Variants in POTEJ observed in about 807,000 individuals in gnomAD.
The protein encoded by POTEJ is POTE ankyrin domain family, member J.
A neutral mutation model predicts 69.0 loss-of-function variants in POTEJ; 11 were observed. That is an observed-to-expected ratio of 0.16 (90% confidence interval 0.10 to 0.26). The LOEUF (loss-of-function observed/expected upper bound fraction) is 0.26. POTEJ is among the 10% of genes least tolerant of loss of function. POTEJ has a pLI of 1.00. For missense variants in POTEJ, 327 were observed against 1,045.5 expected, an observed-to-expected ratio of 0.31 and a Z score of 9.48; for synonymous variants, 117 against 381.1, an observed-to-expected ratio of 0.31 and a Z score of 8.07.
chr2:130,622,893 G>A (rs1199945917), intron 5 of POTEJ: 37 of 147,618 alleles, frequency 2.5e-4, no homozygotes, highest in Middle Eastern at 3.5e-3. Context: ...GAAAGTTAGC[G>A]TGGCTTCTGC....
Position 130,613,280 on chromosome 2 carries a change from G to A in POTEJ, c.410+1338G>A, listed in dbSNP as rs62164886. ...CACATATATACATATATATACATAT[G>A]TATATATACATATATATACATATGT... On this transcript the variant is annotated intron_variant, in intron 1 of 14. Transcript: ENST00000409602. Among the ~76,000 whole-genome samples the A allele has an allele frequency of 4.9e-4, 23 of 47,156 alleles. No individual in the cohort carries two copies. The East Asian group carries it at 0.01, about 21-fold the overall frequency. The allele number at this position is 47,156 out of a possible 152,430, so 30.9% of individuals were successfully genotyped here. A position where few individuals can be genotyped will look rare whatever the true frequency, so the allele number is the denominator to read the frequency against.
intron 13 of POTEJ, among the ~76,000 whole-genome samples, chr2:130,654,274 GGACACA>G (rs1322508015): frequency 7.2e-6 from 1 of 138,836 alleles, no homozygotes; most frequent in East Asian, 2.0e-4. Flanking sequence ...ATGGGTTACA[GGACACA>G]GACCATTAGC....
At chr2:130,644,391 A>T (rs1428506418) in intron 11 of POTEJ, among the ~76,000 whole-genome samples, 2 of 150,726 alleles carry the variant, frequency 1.3e-5, no homozygotes, top group Admixed American at 6.6e-5. Flanking sequence ...AATGGCATGA[A>T]CTCAGGAGAG....
chr2:130,646,978 T>C (rs1361456758), intron 13 of POTEJ, among the ~76,000 whole-genome samples: 5 of 149,490 alleles, frequency 3.3e-5, no homozygotes, highest in Non-Finnish European at 7.4e-5. Context: ...GCATATATAA[T>C]ACATGTAAAG....
At chr2:130,630,885 C>G (rs546843434) in intron 7 of POTEJ, among the ~76,000 whole-genome samples, 1 of 143,390 alleles carries the variant, frequency 7.0e-6, no homozygotes, top group Non-Finnish European at 1.5e-5. Flanking sequence ...GAATTTGCAT[C>G]TCTTTCTGTT....
intron 6 of POTEJ, among the ~76,000 whole-genome samples, chr2:130,624,517 A>G (rs1181292653): frequency 2.6e-5 from 4 of 151,980 alleles, no homozygotes; most frequent in East Asian, 1.9e-4. Context: ...ATCTAATGCT[A>G]TCACTGATCT....
chr2:130,640,809 G>A (rs1424093692), intron 10 of POTEJ, among the ~76,000 whole-genome samples: 1 of 152,204 alleles, frequency 6.6e-6, no homozygotes, highest in African/African-American at 2.4e-5. Flanking sequence ...CTGAGGAGGG[G>A]GATTGGGATA....
intron 13 of POTEJ, among the ~76,000 whole-genome samples, chr2:130,650,207 A>AT: frequency 6.6e-6 from 1 of 152,278 alleles, no homozygotes. Flanking sequence ...TAACATCATC[A>AT]TTTTTTAGAG....
chr2:130,618,565 C>T (rs1685446662), intron 3 of POTEJ, among the ~76,000 whole-genome samples: 1 of 147,342 alleles, frequency 6.8e-6, no homozygotes. Context: ...ATAATGAGAC[C>T]CTGTCTCTAA....
Position 130,657,607 on chromosome 2 carries a change from T to C in POTEJ, c.2847T>C (p.Asp949=). The part of the protein sequence containing the change: ...ETTFNSIMKS[D]VDIRKDLYTN... ...CCTTCAACTCCATCATGAAGTCTGA[T>C]GTGGACATCCGCAAAGACCTGTACA... The change falls in exon 15 of 15, where the codon GAT becomes GAC. Residue 949 remains aspartate, a synonymous_variant. Coordinates refer to ENST00000409602, the MANE Select transcript of POTEJ (RefSeq NM_001277083.2). The C allele has an allele frequency of 6.5e-7, 1 of 1,534,470 alleles. No homozygotes were observed. The highest frequency in any genetic ancestry group is 8.9e-7 in the Non-Finnish European group (1 of 1,129,246).
At chr2:130,632,844 A>G (rs1685956109) in intron 9 of POTEJ, among the ~76,000 whole-genome samples, 188 bp downstream of exon 9, 1 of 144,636 alleles carries the variant, frequency 6.9e-6, no homozygotes, top group African/African-American at 2.7e-5. Flanking sequence ...TATTTGAAAA[A>G]TAACCAGTAT....
chr2:130,624,286 T>G (rs1256555710), intron 6 of POTEJ, among the ~76,000 whole-genome samples, 152 bp downstream of exon 6: 1 of 141,622 alleles, frequency 7.1e-6, no homozygotes, highest in African/African-American at 3.0e-5. Context: ...ATTGTGCTAC[T>G]TTATATTATT....
chr2:130,624,590 G>T (rs1227404095), intron 6 of POTEJ, among the ~76,000 whole-genome samples: 1 of 152,068 alleles, frequency 6.6e-6, no homozygotes, highest in East Asian at 1.9e-4. Context: ...TACAGATGAA[G>T]CTTCCCTGGC....
intron 3 of POTEJ, among the ~76,000 whole-genome samples, chr2:130,618,701 T>G (rs2105199750): frequency 1.5e-5 from 2 of 132,128 alleles, no homozygotes; most frequent in South Asian, 2.3e-4. Flanking sequence ...CTCAGAAACT[T>G]AAGGTATCTC....
At chr2:130,614,503 A>G (rs1335821383) in intron 1 of POTEJ, among the ~76,000 whole-genome samples, 15 of 149,870 alleles carry the variant, frequency 1.0e-4, no homozygotes, top group Admixed American at 9.3e-4. Context: ...GTAGATACAG[A>G]GATATGTCGA....
intron 9 of POTEJ, among the ~76,000 whole-genome samples, chr2:130,633,861 G>T (rs369976489): frequency 2.0e-5 from 3 of 147,146 alleles, no homozygotes; most frequent in South Asian, 2.1e-4. Flanking sequence ...GAGTTGGCCA[G>T]CTTTTTCTGC....
intron 6 of POTEJ, among the ~76,000 whole-genome samples, chr2:130,625,333 C>G (rs1453521555): frequency 1.3e-5 from 2 of 152,026 alleles, no homozygotes; most frequent in Non-Finnish European, 2.9e-5. Flanking sequence ...AACCATTTTT[C>G]TAATGCTATA....
chr2:130,644,450 C>A (rs1397641634), intron 11 of POTEJ, among the ~76,000 whole-genome samples: 2 of 152,048 alleles, frequency 1.3e-5, no homozygotes, highest in African/African-American at 4.8e-5. Context: ...GCCTGGGTGA[C>A]AGAGCGAGAC....
At chr2:130,655,468 CCTTA>C (rs1558935162) in intron 14 of POTEJ, among the ~76,000 whole-genome samples, 1 of 152,248 alleles carries the variant, frequency 6.6e-6, no homozygotes, top group African/African-American at 2.4e-5. Context: ...ATACCATTAT[CCTTA>C]CTTTTGCAGA....
Sources: allele counts gnomAD v4.1 joint callset (sites outside exome capture counted in the v4.1 genomes callset), GRCh38; gene constraint gnomAD v4.1.1; transcripts MANE v1.5; gene names NCBI Gene and HGNC (gene_info 2026-07-23, HGNC 2026-07-21).